Variants in HPF1 observed in about 807,000 individuals in gnomAD.
HPF1 encodes the protein histone PARylation factor 1, also known as UPF0609 protein C4orf27.
HPF1 carries 35 observed loss-of-function variants against 38.8 expected under a neutral mutation model. That is an observed-to-expected ratio of 0.90 (90% CI 0.69 to 1.19). The LOEUF (loss-of-function observed/expected upper bound fraction) is 1.19, where lower values mean the gene tolerates loss of function less well. Among genes scored for constraint, HPF1 ranks in the 50% most tolerant of loss-of-function variants. HPF1 has a pLI of 0.00. For missense variants in HPF1, 367 were observed against 405.8 expected (o/e 0.90, Z 0.82); for synonymous variants, 115 against 139.2 (o/e 0.83, Z 1.22).
At chr4:169,748,950 T>C in intron 3 of HPF1, 108 bp from the exon 4 acceptor site, 1 of 604,718 alleles carries the variant, frequency 1.7e-6, no homozygotes, top group Non-Finnish European at 3.0e-6. Flanking sequence ...TTTTTCCTTT[T>C]TGGAGGCCTT....
At position 169,740,998 on chromosome 4, in the gene HPF1, C is replaced by T. The variant is rs79512093; in HGVS notation, c.648+959G>A. 4.0e-3 allele frequency among the ~76,000 whole-genome samples: 615 copies of T among 152,248 alleles called. 3 individuals carry two copies. Among genetic ancestry groups the T allele is most frequent in the African/African-American group, 0.014 (584 of 41,542 alleles). ...AAGTGGAAGAAGCTTCCTGTGATAACCAGAAAGGTAAATGGCAATATAAAA... is the reference window on the plus strand; with the variant it reads ...AAGTGGAAGAAGCTTCCTGTGATAATCAGAAAGGTAAATGGCAATATAAAA... On this transcript the variant is annotated intron_variant, in intron 5 of 7. Transcript: ENST00000393381.
At chr4:169,732,062 G>T in intron 6 of HPF1, 186 bp from the exon 7 acceptor site, 1 of 482,970 alleles carries the variant, frequency 2.1e-6, no homozygotes, top group South Asian at 3.4e-5. Flanking sequence ...TTTCTACTTA[G>T]GATTCAAGCT....
rs1321176873 is a variant in HPF1 at position 169,731,131 on chromosome 4, C to T, written c.909+573G>A. On this transcript the variant is annotated intron_variant, in intron 7 of 7. Coordinates refer to ENST00000393381, the MANE Select transcript of HPF1 (RefSeq NM_017867.3). ...CCAGAAACAGGTCATATCCGCTACA[C>T]CTTATTGCCTCTTTGATCTTCAGGC... Among the ~76,000 whole-genome samples, 9 of 152,316 alleles carry T rather than the reference C, an allele frequency of 5.9e-5. No individual in the cohort carries two copies. In the South Asian group the frequency reaches 1.2e-3, roughly 21 times the overall value.
intron 2 of HPF1, among the ~76,000 whole-genome samples, chr4:169,753,253 C>T (rs540512670): frequency 3.9e-5 from 6 of 152,128 alleles, no homozygotes; most frequent in South Asian, 2.1e-4. Context: ...AGACGGGTCT[C>T]GAATTCCTGA....
intron 4 of HPF1, among the ~76,000 whole-genome samples, chr4:169,745,544 CT>C (rs953743528): frequency 2.6e-5 from 4 of 151,942 alleles, no homozygotes; most frequent in Admixed American, 6.6e-5. Context: ...CATACAAGGG[CT>C]TTTTTTTCCC....
intron 7 of HPF1, 108 bp downstream of exon 7, chr4:169,731,596 G>C: frequency 1.3e-6 from 1 of 793,002 alleles, no homozygotes; most frequent in Non-Finnish European, 1.9e-6. Flanking sequence ...TCTTACCTCT[G>C]CTGGAATTTG....
At chr4:169,735,642 G>A (rs1051262214) in intron 6 of HPF1, among the ~76,000 whole-genome samples, 2 of 152,136 alleles carry the variant, frequency 1.3e-5, no homozygotes, top group African/African-American at 4.8e-5. Context: ...AAAAGCTTTA[G>A]AGACTGCCCA....
chr4:169,742,662 G>A (rs777193526), intron 4 of HPF1, among the ~76,000 whole-genome samples: 1 of 152,146 alleles, frequency 6.6e-6, no homozygotes, highest in Non-Finnish European at 1.5e-5. Context: ...CGTGATGGCG[G>A]GCGCCTGTAG....
intron 6 of HPF1, among the ~76,000 whole-genome samples, chr4:169,732,837 T>C (rs1358826660): frequency 6.6e-6 from 1 of 152,050 alleles, no homozygotes; most frequent in Non-Finnish European, 1.5e-5. Flanking sequence ...TAGTGTCTAC[T>C]TTATATTAGG....
intron 4 of HPF1, among the ~76,000 whole-genome samples, chr4:169,747,027 G>GA (rs1486833273): frequency 4.2e-5 from 6 of 143,834 alleles, no homozygotes; most frequent in African/African-American, 1.3e-4. Context: ...TAACACAAAT[G>GA]AAAAGTTAGG....
At chr4:169,731,994 T>C in intron 6 of HPF1, 118 bp from the exon 7 acceptor site, 1 of 751,342 alleles carries the variant, frequency 1.3e-6, no homozygotes, top group African/African-American at 1.8e-5. Context: ...TAATACAACT[T>C]GTGCCACCTT....
chr4:169,735,060 G>C (rs920415170), intron 6 of HPF1, among the ~76,000 whole-genome samples: 2 of 150,770 alleles, frequency 1.3e-5, no homozygotes, highest in Admixed American at 1.3e-4. Context: ...CTGGGAGGCG[G>C]AGGTTACAGT....
intron 6 of HPF1, among the ~76,000 whole-genome samples, chr4:169,737,398 T>C (rs1479980116): frequency 2.0e-5 from 3 of 152,128 alleles, no homozygotes; most frequent in African/African-American, 7.2e-5. Context: ...AATTCCTTTA[T>C]GAAGTGCATA....
chr4:169,746,184 T>A (rs772650496), intron 4 of HPF1, among the ~76,000 whole-genome samples: 18 of 152,210 alleles, frequency 1.2e-4, no homozygotes, highest in Non-Finnish European at 2.5e-4. Flanking sequence ...TTATAGTATA[T>A]GGATAGTTTA....
At chr4:169,729,771 A>G in intron 7 of HPF1, 62 bp from the exon 8 acceptor site, 4 of 1,194,552 alleles carry the variant, frequency 3.3e-6, no homozygotes, top group Non-Finnish European at 4.4e-6. Context: ...AAGTAGCAGA[A>G]AATATATCAA....
At chr4:169,741,387 G>A (rs2150290718) in intron 5 of HPF1, among the ~76,000 whole-genome samples, 1 of 152,026 alleles carries the variant, frequency 6.6e-6, no homozygotes, top group African/African-American at 2.4e-5. Context: ...AACTCCTATA[G>A]AATTCTCATT....
intron 1 of HPF1, among the ~76,000 whole-genome samples, chr4:169,757,202 T>C (rs1228250084): frequency 6.6e-6 from 1 of 152,098 alleles, no homozygotes; most frequent in Non-Finnish European, 1.5e-5. Context: ...CCTCTTATTT[T>C]CCCATTTCCC....
chr4:169,748,971 T>A (rs79832551), intron 3 of HPF1, 129 bp from the exon 4 acceptor site: 5 of 511,190 alleles, frequency 9.8e-6, no homozygotes, highest in East Asian at 3.7e-5. Context: ...TTTTTTTTTT[T>A]AATCATACCA....
intron 6 of HPF1, among the ~76,000 whole-genome samples, chr4:169,733,377 G>A (rs1323638342): frequency 6.6e-6 from 1 of 152,098 alleles, no homozygotes; most frequent in East Asian, 1.9e-4. Flanking sequence ...TTGACAAATT[G>A]TATGTCCTTT....
Sources: allele counts gnomAD v4.1 joint callset (sites outside exome capture counted in the v4.1 genomes callset), GRCh38; gene constraint gnomAD v4.1.1; transcripts MANE v1.5; gene names NCBI Gene and HGNC (gene_info 2026-07-23, HGNC 2026-07-21).